Variants in RBFOX1 observed in about 807,000 individuals in gnomAD.
RBFOX1 encodes RNA binding protein fox-1 homolog 1.
In RBFOX1, 8 loss-of-function variants were observed where a neutral mutation model predicts 57.7. That is an observed-to-expected ratio of 0.14 (90% CI 0.08 to 0.25). The LOEUF (loss-of-function observed/expected upper bound fraction) is 0.25, where lower values mean the gene tolerates loss of function less well. Ranked by LOEUF, RBFOX1 falls within the 10% of genes least tolerant of loss-of-function variation. The pLI is 1.00. For missense variants in RBFOX1, 611 were observed against 548.5 expected, an observed-to-expected ratio of 1.11 and a Z score of -1.14; for synonymous variants, 326 against 222.4, an observed-to-expected ratio of 1.47 and a Z score of -4.15.
At chr16:5,484,648 C>G (rs888042729) in intron 2 of RBFOX1, among the ~76,000 whole-genome samples, 2 of 152,128 alleles carry the variant, frequency 1.3e-5, no homozygotes, top group African/African-American at 4.8e-5. Context: ...TGTGGTGGCT[C>G]ACACCTGTAA....
At chr16:6,833,902 A>T (rs1238407615) in intron 3 of RBFOX1, among the ~76,000 whole-genome samples, 2 of 152,002 alleles carry the variant, frequency 1.3e-5, no homozygotes, top group Admixed American at 6.6e-5. Context: ...GAACCTGGCA[A>T]GGTTGATCAA....
At chr16:6,055,590 CAAAAAA>C (rs35872547) in intron 1 of RBFOX1, among the ~76,000 whole-genome samples, 5 of 65,576 alleles carry the variant, frequency 7.6e-5, no homozygotes, top group African/African-American at 1.3e-4. Flanking sequence ...GAGACTCCGT[CAAAAAA>C]AAAAAAAAAA....
At chr16:5,546,080 A>G (rs924940513) in intron 2 of RBFOX1, among the ~76,000 whole-genome samples, 2 of 152,196 alleles carry the variant, frequency 1.3e-5, no homozygotes, top group African/African-American at 4.8e-5. Context: ...ATACTATCAA[A>G]TGAAATAATA....
intron 3 of RBFOX1, among the ~76,000 whole-genome samples, chr16:6,823,947 G>C (rs188904543): frequency 2.5e-3 from 385 of 152,302 alleles, no homozygotes; most frequent in African/African-American, 7.2e-3. Flanking sequence ...CGGTGTCCTG[G>C]AAGAGGTGGC....
chr16:5,612,627 G>A (rs1460742398), intron 3 of RBFOX1, among the ~76,000 whole-genome samples: 1 of 152,244 alleles, frequency 6.6e-6, no homozygotes, highest in Non-Finnish European at 1.5e-5. Context: ...AGCTCTCAAG[G>A]CCACAGGGCA....
intron 2 of RBFOX1, among the ~76,000 whole-genome samples, chr16:5,567,070 T>C (rs1308471075): frequency 3.3e-5 from 5 of 152,060 alleles, no homozygotes; most frequent in African/African-American, 1.2e-4. Flanking sequence ...TCACAATTAG[T>C]GGGGCTGGAA....
At chr16:6,117,388 A>G (rs892394132) in intron 1 of RBFOX1, among the ~76,000 whole-genome samples, 3 of 152,226 alleles carry the variant, frequency 2.0e-5, no homozygotes, top group African/African-American at 7.2e-5. Flanking sequence ...AATAACAATT[A>G]TGTTCACCAT....
At chr16:6,575,078 C>G (rs1460720891) in intron 2 of RBFOX1, among the ~76,000 whole-genome samples, 1 of 150,950 alleles carries the variant, frequency 6.6e-6, no homozygotes, top group Non-Finnish European at 1.5e-5. Flanking sequence ...TCCAGGAATG[C>G]TATCGTGTAG....
chr16:5,827,844 T>TC (rs2056119996), intron 3 of RBFOX1, among the ~76,000 whole-genome samples: 1 of 151,562 alleles, frequency 6.6e-6, no homozygotes, highest in South Asian at 2.1e-4. Flanking sequence ...CATCCATCCA[T>TC]CCACCCACCC....
chr16:6,210,572 A>G (rs2097289766), intron 1 of RBFOX1, among the ~76,000 whole-genome samples: 1 of 151,954 alleles, frequency 6.6e-6, no homozygotes, highest in East Asian at 2.0e-4. Context: ...TCTACAAAAA[A>G]TTAGCTGGGT....
chr16:5,532,573 C>T (rs1193082924), intron 2 of RBFOX1, among the ~76,000 whole-genome samples: 1 of 152,144 alleles, frequency 6.6e-6, no homozygotes, highest in Non-Finnish European at 1.5e-5. Context: ...AAGTACAGCA[C>T]AGAGCAGCAC....
intron 3 of RBFOX1, among the ~76,000 whole-genome samples, chr16:6,872,173 G>A (rs562640664): frequency 3.3e-5 from 5 of 152,164 alleles, no homozygotes; most frequent in Middle Eastern, 3.4e-3. Flanking sequence ...GCAGTACTAC[G>A]TCTGTCTTAG....
At chr16:6,889,378 A>C (rs549716417) in intron 3 of RBFOX1, among the ~76,000 whole-genome samples, 1 of 152,332 alleles carries the variant, frequency 6.6e-6, no homozygotes, top group South Asian at 2.1e-4. Flanking sequence ...CCTCTGCAGT[A>C]AGGCCAGTGA....
At chr16:7,272,884 C>T (rs1287272046) in intron 4 of RBFOX1, among the ~76,000 whole-genome samples, 1 of 145,900 alleles carries the variant, frequency 6.9e-6, no homozygotes, top group African/African-American at 2.6e-5. Context: ...TCCTTCCCTC[C>T]TTTCTTCCTT....
intron 3 of RBFOX1, among the ~76,000 whole-genome samples, chr16:5,775,445 C>T (rs2054115873): frequency 6.6e-6 from 1 of 152,194 alleles, no homozygotes; most frequent in South Asian, 2.1e-4. Flanking sequence ...GCTCAGAAGG[C>T]AGGGGAAAGT....
intron 14 of RBFOX1, among the ~76,000 whole-genome samples, chr16:7,704,865 A>C (rs1321761400): frequency 6.6e-6 from 1 of 151,970 alleles, no homozygotes; most frequent in East Asian, 1.9e-4. Flanking sequence ...AGCCTGGGCA[A>C]CATGGTGAAA....
chr16:5,892,035 A>C (rs1395174994), intron 4 of RBFOX1, among the ~76,000 whole-genome samples: 2 of 152,182 alleles, frequency 1.3e-5, no homozygotes, highest in Admixed American at 1.3e-4. Flanking sequence ...GAATCATTTC[A>C]CAAATATTAT....
chr16:7,478,810 C>G (rs375670822), intron 4 of RBFOX1, among the ~76,000 whole-genome samples: 102 of 152,258 alleles, frequency 6.7e-4, no homozygotes, highest in African/African-American at 2.3e-3. Context: ...AGTCTAGATG[C>G]CAACAATACC....
At chr16:7,433,926 T>C (rs2098702342) in intron 4 of RBFOX1, among the ~76,000 whole-genome samples, 1 of 152,080 alleles carries the variant, frequency 6.6e-6, no homozygotes, top group African/African-American at 2.4e-5. Context: ...GGTAGATAGG[T>C]ATGTTAGACA....
Sources: gnomAD v4.1 joint callset for allele counts (sites outside exome capture counted in the v4.1 genomes callset) on GRCh38, gnomAD v4.1.1 for gene constraint, MANE v1.5 for transcripts, NCBI Gene and HGNC (gene_info 2026-07-23, HGNC 2026-07-21) for gene names.